Variants in NUP43 observed in about 807,000 individuals in gnomAD.
NUP43 encodes nucleoporin 43, also known as nucleoporin Nup43.
NUP43 carries 32 observed loss-of-function variants against 47.3 expected under a neutral mutation model. The ratio of observed to expected loss-of-function variants is 0.68; its 90% confidence interval spans 0.51 to 0.91. The LOEUF (loss-of-function observed/expected upper bound fraction) is 0.91. Ranked by LOEUF, NUP43 falls within the 40% of genes least tolerant of loss-of-function variation. The pLI is 0.00. For synonymous variants in NUP43, 147 were observed against 158.4 expected (o/e 0.93, Z 0.54); for missense variants, 444 against 453.9 (o/e 0.98, Z 0.20).
rs1785714786 is a variant in NUP43 at position 149,742,432 on chromosome 6, T to G, written c.460A>C (p.Asn154His). The G allele has an allele frequency of 2.5e-6, 4 of 1,614,184 alleles. No homozygotes were observed. The highest frequency in any genetic ancestry group is 3.4e-6 in the Non-Finnish European group (4 of 1,180,028). ...TCCTTGTGATCAGCTCTGAAGAGAT[T>G]TATTCGACCATCCTCTCCAACTGTA... ...IVTVGEDGRI[N>H]LFRADHKEAV... The change falls in exon 4 of 8, where the codon AAT becomes CAT. Residue 154 changes from asparagine (N) to histidine (H), a missense_variant. By Grantham distance (68) the Asn-to-His change is moderately conservative. Coordinates refer to ENST00000340413, the MANE Select transcript of NUP43 (RefSeq NM_198887.3).
At position 149,736,463 on chromosome 6, in the gene NUP43, ATACT is replaced by A. The variant is rs1357457140; in HGVS notation, c.790+4_790+7del. 6.4e-7 allele frequency: 1 copy of A among 1,572,122 alleles called. No homozygotes were observed. The highest frequency in any genetic ancestry group is 1.3e-5 in the African/African-American group (1 of 74,358). On this transcript the variant is annotated splice_donor_5th_base_variant and intron_variant, in intron 6 of 7. Transcript: ENST00000340413. ...AATATAAACTTTCTGTATCTTCACA[ATACT>A]TACTTTCAGCTTCATGAGCCTTCAG...
chr6:149,746,646 ACAGT>A (rs199612881), upstream of NUP43: 1,585 of 1,578,144 alleles, frequency 1.0e-3, 24 homozygotes, highest in East Asian at 0.026. Context: ...CAGTGTGGGC[ACAGT>A]CAGTACCTAG....
Position 149,738,764 on chromosome 6 carries a change from T to G in NUP43, c.517A>C (p.Ser173Arg). ...AGAAAGGTTACAGCATGGAGTGTAC[T>G]ACTATCTGCATTGTCTAAAAATTTA... ...AVRTIDNADS[S>R]TLHAVTFLRT... Residue 173 changes from serine to arginine, a missense_variant, in exon 5 of 8, where the codon AGT (serine) becomes CGT (arginine). Transcript: ENST00000340413. The G allele has an allele frequency of 1.3e-6, 2 of 1,536,220 alleles. No individual in the cohort carries two copies. The highest frequency in any genetic ancestry group is 1.7e-6 in the Non-Finnish European group (2 of 1,144,180).
intron 6 of NUP43, 48 bp downstream of exon 6, chr6:149,736,423 T>C (rs1785362696): frequency 1.4e-6 from 2 of 1,425,630 alleles, no homozygotes; most frequent in Non-Finnish European, 1.9e-6. Flanking sequence ...TTATTATATG[T>C]CATATAACTC....
chr6:149,748,853 A>G (rs1786166711), upstream of NUP43, among the ~76,000 whole-genome samples: 1 of 147,724 alleles, frequency 6.8e-6, no homozygotes, highest in African/African-American at 2.5e-5. Flanking sequence ...GGACTAGATG[A>G]TGGCTGGATT....
Position 149,726,943 on chromosome 6 carries a change from T to A in NUP43, c.*26A>T. 1 of 1,567,938 alleles carries A rather than the reference T, an allele frequency of 6.4e-7. No individual in the cohort carries two copies. Reference sequence around the variant, plus strand: ...TTCAAAAGGCTAATTGCATGTTCTATCTGAAATCTTATAATTATAGTACTT... The same window carrying A: ...TTCAAAAGGCTAATTGCATGTTCTAACTGAAATCTTATAATTATAGTACTT... On this transcript the variant is annotated 3_prime_UTR_variant, in exon 8 of 8. Transcript: ENST00000340413.
chr6:149,745,714 T>C (rs542826637), intron 2 of NUP43, among the ~76,000 whole-genome samples: 4 of 152,326 alleles, frequency 2.6e-5, no homozygotes, highest in Admixed American at 2.0e-4. Context: ...ATTTAGCACA[T>C]AGTCGACAGT....
At chr6:149,737,185 G>A (rs868490089) in intron 5 of NUP43, among the ~76,000 whole-genome samples, 2 of 151,988 alleles carry the variant, frequency 1.3e-5, no homozygotes, top group Non-Finnish European at 2.9e-5. Context: ...TTGGGAGGCT[G>A]AGGCATGAGA....
Position 149,738,317 on chromosome 6 carries a change from A to G in NUP43, c.638+326T>C, listed in dbSNP as rs1015028339. Among the ~76,000 whole-genome samples, 6 of 152,322 alleles carry G rather than the reference A, an allele frequency of 3.9e-5. No individual in the cohort carries two copies. In the East Asian group the frequency reaches 5.8e-4, roughly 15 times the overall value. Reference sequence around the variant, plus strand: ...AAAGGGGGATTTCTGCTCAGAAAAAATATTTGGAATTATATTTTTCCCCCA... The same window carrying G: ...AAAGGGGGATTTCTGCTCAGAAAAAGTATTTGGAATTATATTTTTCCCCCA... On this transcript the variant is annotated intron_variant, in intron 5 of 7. Transcript: ENST00000340413.
intron 7 of NUP43, among the ~76,000 whole-genome samples, chr6:149,728,928 TATC>T (rs549055317): frequency 5.6e-4 from 85 of 152,328 alleles, no homozygotes; most frequent in Admixed American, 1.5e-3. Context: ...CTTTATTCTT[TATC>T]CTCCTACTCT....
upstream of NUP43, among the ~76,000 whole-genome samples, chr6:149,747,428 T>A (rs1019245767): frequency 1.3e-5 from 2 of 151,256 alleles, no homozygotes; most frequent in African/African-American, 4.9e-5. Flanking sequence ...GGACTACAGG[T>A]GTGCGCCACC....
At chr6:149,741,469 C>T (rs540404213) in intron 4 of NUP43, among the ~76,000 whole-genome samples, 1 of 151,964 alleles carries the variant, frequency 6.6e-6, no homozygotes, top group East Asian at 1.9e-4. Flanking sequence ...CCACTGTACC[C>T]GGCCATATAT....
At chr6:149,745,386 C>T (rs1279564059) in intron 2 of NUP43, among the ~76,000 whole-genome samples, 11 of 147,432 alleles carry the variant, frequency 7.5e-5, no homozygotes, top group Non-Finnish European at 1.6e-4. Context: ...GGTGACAGAG[C>T]GAGACTCCAT....
In NUP43 at chr6:149,736,350, C is replaced by A. The variant is rs774022423; in HGVS notation, c.790+121G>T. On this transcript the variant is annotated intron_variant, in intron 6 of 7. Coordinates refer to ENST00000340413, the MANE Select transcript of NUP43 (RefSeq NM_198887.3). ...GAAATTACATAACTATTTAAATTTACACAATTCAGCCATTAAAAGCTATGA... is the reference window on the plus strand; with the variant it reads ...GAAATTACATAACTATTTAAATTTAAACAATTCAGCCATTAAAAGCTATGA... The A allele has an allele frequency of 6.8e-6, 4 of 585,534 alleles. No individual in the cohort carries two copies. In the Admixed American group the frequency reaches 1.4e-4, roughly 21 times the overall value. 36.3% of individuals were successfully genotyped at this position (585,534 alleles called of 1,614,324 possible). A position where few individuals can be genotyped will look rare whatever the true frequency, so the allele number is the denominator to read the frequency against.
intron 7 of NUP43, 24 bp from the exon 8 acceptor site, chr6:149,727,222 G>A (rs1784831377): frequency 6.2e-7 from 1 of 1,600,978 alleles, no homozygotes; most frequent in Non-Finnish European, 8.5e-7. Context: ...AGAAAAGGAA[G>A]AAATCTTTCA....
intron 2 of NUP43, among the ~76,000 whole-genome samples, chr6:149,744,217 A>C (rs769376409): frequency 7.2e-5 from 11 of 152,080 alleles, no homozygotes; most frequent in Non-Finnish European, 1.2e-4. Flanking sequence ...CAGTTTCAAA[A>C]AAAGAATAAA....
rs1166020808 is a variant in NUP43, at chr6:149,725,601, A to G, written c.*1368T>C. ...CAAAACTCCATCTCAAAAAATATAT[A>G]TATTTATTAGGACAGAAAAGCAAAA... On this transcript the variant is annotated 3_prime_UTR_variant, in exon 8 of 8. Coordinates refer to ENST00000340413, the MANE Select transcript of NUP43 (RefSeq NM_198887.3). 1 of 152,138 alleles carries G rather than the reference A, an allele frequency of 6.6e-6. No homozygotes were observed. Among genetic ancestry groups the G allele is most frequent in the Non-Finnish European group, 1.5e-5 (1 of 68,040 alleles). The allele number at this position is 152,138 out of a possible 1,614,324, so 9.4% of individuals were successfully genotyped here. A position where few individuals can be genotyped will look rare whatever the true frequency, so the allele number is the denominator to read the frequency against.
At position 149,729,459 on chromosome 6, in the gene NUP43, C is replaced by T. The variant is rs1396165406; in HGVS notation, c.913+2154G>A. On this transcript the variant is annotated intron_variant, in intron 7 of 7. Coordinates refer to ENST00000340413, the MANE Select transcript of NUP43 (RefSeq NM_198887.3). The stretch of plus-strand genomic sequence containing the variant: ...AGGGAGAAGCAGCTCCTTCCTGCTC[C>T]AGGTTTCTGGCAACAACACTGGTGG... 5.5e-6 allele frequency: 5 copies of T among 915,314 alleles called. No homozygotes were observed. The South Asian group carries it at 1.5e-4, about 28-fold the overall frequency. The allele number at this position is 915,314 out of a possible 1,614,324, so 56.7% of individuals were successfully genotyped here. A position where few individuals can be genotyped will look rare whatever the true frequency, so the allele number is the denominator to read the frequency against.
At chr6:149,736,312 T>C (rs1009579212) in intron 6 of NUP43, among the ~76,000 whole-genome samples, 159 bp downstream of exon 6, 26 of 152,012 alleles carry the variant, frequency 1.7e-4, no homozygotes, top group Admixed American at 1.7e-3. Flanking sequence ...AGAACTTAAA[T>C]GTCGAGTAAA....
Sources: allele counts gnomAD v4.1 joint callset (sites outside exome capture counted in the v4.1 genomes callset), GRCh38; gene constraint gnomAD v4.1.1; transcripts MANE v1.5; gene names NCBI Gene and HGNC (gene_info 2026-07-23, HGNC 2026-07-21).